The following FSTL5 variants were observed in gnomAD, a reference collection of about 807,000 sequenced individuals.
The protein encoded by FSTL5 is follistatin like 5, also known as follistatin-related protein 5.
A neutral mutation model predicts 89.1 loss-of-function variants in FSTL5; 62 were observed. The observed-to-expected ratio is 0.70, with a 90% CI of 0.57 to 0.86. The LOEUF (loss-of-function observed/expected upper bound fraction) is 0.86, where lower values mean the gene tolerates loss of function less well. Among genes scored for constraint, FSTL5 ranks in the 40% least tolerant of loss-of-function variants. The pLI is 0.00. For missense variants in FSTL5, 1,057 were observed against 1,001.6 expected, an observed-to-expected ratio of 1.06 and a Z score of -0.75; for synonymous variants, 383 against 346.2, an observed-to-expected ratio of 1.11 and a Z score of -1.18.
At chr4:162,041,202 TAAAAAAA>T (rs5863513) in intron 2 of FSTL5, among the ~76,000 whole-genome samples, 1 of 97,778 alleles carries the variant, frequency 1.0e-5, no homozygotes, top group Admixed American at 1.1e-4. Context: ...GATGAGATGG[TAAAAAAA>T]AAAAAAAAAA....
chr4:161,614,129 G>A (rs906971038), intron 7 of FSTL5, among the ~76,000 whole-genome samples: 13 of 151,862 alleles, frequency 8.6e-5, no homozygotes, highest in African/African-American at 3.1e-4. Flanking sequence ...GTTTTATCTT[G>A]GACAGTTCTA....
Position 161,970,634 on chromosome 4 carries a change from A to G in FSTL5, c.161-49982T>C, listed in dbSNP as rs1396144438. ...AGAAGGCATCTGTGCAGTGGAAAAC[A>G]GAGATTTTCCATTCTGCACAAAAAC... On this transcript the variant is annotated intron_variant, in intron 3 of 15. Coordinates refer to ENST00000306100, the MANE Select transcript of FSTL5 (RefSeq NM_020116.5). Among the ~76,000 whole-genome samples, 3 of 152,224 alleles carry G rather than the reference A, an allele frequency of 2.0e-5. No individual in the cohort carries two copies. In the East Asian group the frequency reaches 5.8e-4, roughly 29 times the overall value.
chr4:161,457,705 T>A (rs1445170899), intron 14 of FSTL5, among the ~76,000 whole-genome samples: 2 of 152,016 alleles, frequency 1.3e-5, no homozygotes, highest in Non-Finnish European at 2.9e-5. Flanking sequence ...GTTAATAGAG[T>A]ATTAAAATAA....
intron 2 of FSTL5, among the ~76,000 whole-genome samples, chr4:162,041,414 T>C (rs1461073069): frequency 6.6e-6 from 1 of 152,068 alleles, no homozygotes; most frequent in African/African-American, 2.4e-5. Flanking sequence ...CAATGATTCA[T>C]GGAGAAATGA....
At chr4:162,064,868 T>G (rs1469331330) in intron 2 of FSTL5, among the ~76,000 whole-genome samples, 1 of 151,852 alleles carries the variant, frequency 6.6e-6, no homozygotes, top group Non-Finnish European at 1.5e-5. Context: ...ATTATAGTAA[T>G]CAAAATAGTA....
At chr4:161,682,651 A>C (rs1352687063) in intron 6 of FSTL5, among the ~76,000 whole-genome samples, 1 of 152,150 alleles carries the variant, frequency 6.6e-6, no homozygotes, top group Non-Finnish European at 1.5e-5. Flanking sequence ...GAAGGTCTTC[A>C]AGGGCAAAAA....
At chr4:161,816,977 A>T (rs1730343477) in intron 4 of FSTL5, among the ~76,000 whole-genome samples, 1 of 152,192 alleles carries the variant, frequency 6.6e-6, no homozygotes, top group African/African-American at 2.4e-5. Flanking sequence ...CTCTAAATAC[A>T]TTTTGACTGA....
At chr4:161,533,504 C>A (rs896245744) in intron 10 of FSTL5, among the ~76,000 whole-genome samples, 25 of 151,990 alleles carry the variant, frequency 1.6e-4, no homozygotes, top group Admixed American at 3.9e-4. Flanking sequence ...AAACACATAA[C>A]CCTTCAAGAT....
chr4:161,885,955 A>C (rs1325342013), intron 4 of FSTL5, among the ~76,000 whole-genome samples: 1 of 152,284 alleles, frequency 6.6e-6, no homozygotes, highest in South Asian at 2.1e-4. Context: ...TGATCGATGT[A>C]GACTTAACTG....
At chr4:161,458,821 A>T (rs1309516161) in intron 14 of FSTL5, among the ~76,000 whole-genome samples, 1 of 152,226 alleles carries the variant, frequency 6.6e-6, no homozygotes, top group African/African-American at 2.4e-5. Context: ...GCCTCTCCTC[A>T]GATAACAGAA....
chr4:161,556,564 T>A (rs1732400190), intron 8 of FSTL5, among the ~76,000 whole-genome samples: 1 of 151,426 alleles, frequency 6.6e-6, no homozygotes, highest in Non-Finnish European at 1.5e-5. Flanking sequence ...ATTTGTAAAA[T>A]GAACATTATG....
intron 4 of FSTL5, among the ~76,000 whole-genome samples, chr4:161,816,550 T>C (rs1389060979): frequency 1.3e-5 from 2 of 152,178 alleles, no homozygotes; most frequent in Non-Finnish European, 2.9e-5. Flanking sequence ...CTAAAATTGG[T>C]ATCATTCGCC....
chr4:161,807,617 G>A (rs1579106747), intron 4 of FSTL5, among the ~76,000 whole-genome samples: 1 of 152,134 alleles, frequency 6.6e-6, no homozygotes, highest in East Asian at 1.9e-4. Context: ...TAACATGATT[G>A]TAGCCATAGA....
At chr4:161,739,147 T>G (rs982335535) in intron 6 of FSTL5, among the ~76,000 whole-genome samples, 1 of 152,240 alleles carries the variant, frequency 6.6e-6, no homozygotes, top group East Asian at 1.9e-4. Flanking sequence ...TTTTAGAATG[T>G]GTCCTTATTT....
intron 1 of FSTL5, among the ~76,000 whole-genome samples, chr4:162,136,124 A>G (rs1732510763): frequency 6.6e-6 from 1 of 152,062 alleles, no homozygotes; most frequent in Admixed American, 6.6e-5. Context: ...CTTAAGTTAA[A>G]AAATACACTC....
At chr4:161,624,467 C>A (rs926273099) in intron 7 of FSTL5, among the ~76,000 whole-genome samples, 2 of 151,708 alleles carry the variant, frequency 1.3e-5, no homozygotes, top group Non-Finnish European at 2.9e-5. Context: ...TACAATTTGA[C>A]AATTTTGATT....
intron 6 of FSTL5, among the ~76,000 whole-genome samples, chr4:161,708,252 C>G (rs1279394033): frequency 3.9e-5 from 6 of 151,914 alleles, no homozygotes; most frequent in African/African-American, 1.4e-4. Context: ...CTACAGATCT[C>G]TTTACTTTTA....
At chr4:161,993,380 T>A (rs1274810894) in intron 3 of FSTL5, among the ~76,000 whole-genome samples, 1 of 152,108 alleles carries the variant, frequency 6.6e-6, no homozygotes, top group East Asian at 1.9e-4. Flanking sequence ...GGGCATATAA[T>A]CATTGAAAAA....
chr4:162,014,511 A>G (rs1736860616), intron 3 of FSTL5, among the ~76,000 whole-genome samples: 1 of 151,836 alleles, frequency 6.6e-6, no homozygotes, highest in African/African-American at 2.4e-5. Flanking sequence ...TTAGTTGGCT[A>G]TTCAAGAATT....
Sources: allele counts gnomAD v4.1 joint callset (sites outside exome capture counted in the v4.1 genomes callset), GRCh38; gene constraint gnomAD v4.1.1; transcripts MANE v1.5; gene names NCBI Gene and HGNC (gene_info 2026-07-23, HGNC 2026-07-21).